SNX10: variants seen among roughly 807,000 people sequenced by gnomAD.
The protein encoded by SNX10 is sorting nexin 10, also known as sorting nexin-10.
In SNX10, 25 loss-of-function variants were observed where a neutral mutation model predicts 28.5. The observed-to-expected ratio is 0.88, with a 90% CI of 0.64 to 1.22. The LOEUF is 1.22. SNX10 is among the 50% of genes most tolerant of loss of function. SNX10 has a pLI of 0.00. For synonymous variants in SNX10, 62 were observed against 81.4 expected (o/e 0.76, Z 1.28); for missense variants, 223 against 242.6 (o/e 0.92, Z 0.54).
intron 1 of SNX10, among the ~76,000 whole-genome samples, chr7:26,299,731 C>A (rs79975384): frequency 2.0e-5 from 3 of 151,658 alleles, no homozygotes; most frequent in Non-Finnish European, 2.9e-5. Context: ...GCCTATATTT[C>A]TATTTTTTTC....
chr7:26,319,607 G>T (rs17153435), intron 1 of SNX10, among the ~76,000 whole-genome samples: 2,526 of 152,232 alleles, frequency 0.017, 33 homozygotes, highest in African/African-American at 0.039. Flanking sequence ...CTTGCTTCTA[G>T]ACCATCTGGA....
At chr7:26,362,401 A>G (rs2128022746) in intron 3 of SNX10, among the ~76,000 whole-genome samples, 1 of 152,376 alleles carries the variant, frequency 6.6e-6, no homozygotes, top group Non-Finnish European at 1.5e-5. Context: ...GAAAGTATAG[A>G]TTCTGCTCTG....
rs191452922 is a variant in SNX10 at position 26,338,426 on chromosome 7, C to T, written c.-23-7994C>T. 2.0e-4 allele frequency among the ~76,000 whole-genome samples: 31 copies of T among 151,960 alleles called. No individual in the cohort carries two copies. The East Asian group carries it at 5.0e-3, about 25-fold the overall frequency. Reference sequence around the variant, plus strand: ...CAGACCCCGCTGTGTGGGAGACCAGCGTTGTTGCTGTTGTTTTGAGACTGC... The same window carrying T: ...CAGACCCCGCTGTGTGGGAGACCAGTGTTGTTGCTGTTGTTTTGAGACTGC... On this transcript the variant is annotated intron_variant, in intron 1 of 6. Transcript: ENST00000338523.
intron 1 of SNX10, among the ~76,000 whole-genome samples, chr7:26,339,050 G>C (rs996594777): frequency 2.0e-5 from 3 of 152,194 alleles, no homozygotes; most frequent in African/African-American, 4.8e-5. Flanking sequence ...TAATTTGTTA[G>C]TTCTGCAAAG....
chr7:26,319,934 T>G (rs752754811), intron 1 of SNX10, among the ~76,000 whole-genome samples: 3 of 151,538 alleles, frequency 2.0e-5, no homozygotes, highest in Non-Finnish European at 2.9e-5. Flanking sequence ...TATATCTATA[T>G]GTATATATAT....
intron 1 of SNX10, among the ~76,000 whole-genome samples, chr7:26,295,586 G>A (rs982746292): frequency 1.3e-5 from 2 of 152,188 alleles, no homozygotes; most frequent in African/African-American, 4.8e-5. Flanking sequence ...TCAAACTCAG[G>A]TTCCTGAACT....
At chr7:26,295,899 G>A (rs1786088144) in intron 1 of SNX10, among the ~76,000 whole-genome samples, 1 of 152,244 alleles carries the variant, frequency 6.6e-6, no homozygotes, top group Admixed American at 6.5e-5. Context: ...CATTGGTTGA[G>A]GCACAGGCAG....
At chr7:26,344,196 G>A (rs1317602090) in intron 1 of SNX10, among the ~76,000 whole-genome samples, 1 of 19,004 alleles carries the variant, frequency 5.3e-5, no homozygotes. Context: ...TTTTTTTTTT[G>A]AGATGAGGTC....
intron 5 of SNX10, among the ~76,000 whole-genome samples, chr7:26,366,805 G>A (rs759821688): frequency 1.3e-5 from 2 of 152,214 alleles, no homozygotes; most frequent in South Asian, 2.1e-4. Flanking sequence ...GAATTACTTC[G>A]TTGTTTTGAA....
intron 2 of SNX10, among the ~76,000 whole-genome samples, chr7:26,357,345 A>AAC (rs1441655665): frequency 6.6e-6 from 1 of 151,602 alleles, no homozygotes; most frequent in Non-Finnish European, 1.5e-5. Context: ...AAAAAAAAAA[A>AAC]AGGCAGTAGG....
chr7:26,310,683 A>ATT (rs5883024), intron 1 of SNX10, among the ~76,000 whole-genome samples: 1 of 140,294 alleles, frequency 7.1e-6, no homozygotes. Context: ...GCGAGGAACA[A>ATT]TTTTTTTTTT....
At chr7:26,321,098 C>T (rs575730825) in intron 1 of SNX10, among the ~76,000 whole-genome samples, 11 of 152,270 alleles carry the variant, frequency 7.2e-5, no homozygotes, top group African/African-American at 2.6e-4. Context: ...TTGTCAGTAG[C>T]CCTGCGTTTG....
intron 1 of SNX10, among the ~76,000 whole-genome samples, chr7:26,314,779 C>T (rs1787004642): frequency 6.6e-6 from 1 of 152,054 alleles, no homozygotes; most frequent in Non-Finnish European, 1.5e-5. Context: ...GCGGGCGGAT[C>T]ACTTGAGGTC....
At chr7:26,361,772 G>A (rs1194766509) in intron 3 of SNX10, among the ~76,000 whole-genome samples, 1 of 152,224 alleles carries the variant, frequency 6.6e-6, no homozygotes, top group Non-Finnish European at 1.5e-5. Flanking sequence ...GTGCATAAAT[G>A]AATGAGCATA....
intron 2 of SNX10, among the ~76,000 whole-genome samples, chr7:26,351,650 T>G (rs1788603985): frequency 1.2e-5 from 1 of 82,156 alleles, no homozygotes; most frequent in African/African-American, 3.7e-5. Context: ...AGTCTGGTTT[T>G]TTTTTTTTGT....
chr7:26,356,470 G>C (rs1028576840), intron 2 of SNX10, among the ~76,000 whole-genome samples: 1 of 152,290 alleles, frequency 6.6e-6, no homozygotes, highest in African/African-American at 2.4e-5. Flanking sequence ...GGGCAGTGTC[G>C]TGAGGGATGC....
At chr7:26,309,885 A>G (rs188555691) in intron 1 of SNX10, among the ~76,000 whole-genome samples, 1 of 152,276 alleles carries the variant, frequency 6.6e-6, no homozygotes, top group Non-Finnish European at 1.5e-5. Flanking sequence ...TTGAAGTAAT[A>G]ATGATACCTG....
intron 1 of SNX10, among the ~76,000 whole-genome samples, chr7:26,316,380 A>G (rs996062103): frequency 3.9e-5 from 6 of 152,168 alleles, no homozygotes; most frequent in Admixed American, 1.3e-4. Context: ...TGGTGTGATT[A>G]CATTATCCTT....
chr7:26,305,997 C>T (rs943346484), intron 1 of SNX10, among the ~76,000 whole-genome samples: 4 of 152,126 alleles, frequency 2.6e-5, no homozygotes, highest in South Asian at 2.1e-4. Flanking sequence ...CAGGGTTAAA[C>T]GATTCTCGTG....
Sources: gnomAD v4.1 joint callset for allele counts (sites outside exome capture counted in the v4.1 genomes callset) on GRCh38, gnomAD v4.1.1 for gene constraint, MANE v1.5 for transcripts, NCBI Gene and HGNC (gene_info 2026-07-23, HGNC 2026-07-21) for gene names.